GPC6: variants seen among roughly 807,000 people sequenced by gnomAD.
GPC6 encodes glypican 6.
GPC6 carries 14 observed loss-of-function variants against 55.2 expected under a neutral mutation model. That is an observed-to-expected ratio of 0.25 (90% CI 0.17 to 0.40). GPC6 has a LOEUF of 0.40. Among genes scored for constraint, GPC6 ranks in the 10% least tolerant of loss-of-function variants. GPC6 has a pLI of 1.00. For synonymous variants in GPC6, 278 were observed against 259.6 expected (o/e 1.07, Z -0.68); for missense variants, 641 against 708.5 (o/e 0.90, Z 1.08).
intron 2 of GPC6, among the ~76,000 whole-genome samples, chr13:93,744,050 G>A (rs911380243): frequency 3.3e-5 from 5 of 152,170 alleles, no homozygotes; most frequent in African/African-American, 1.2e-4. Flanking sequence ...TTAGAGTACA[G>A]ATTTATTCCC....
chr13:93,260,650 A>G (rs995451183), intron 1 of GPC6, among the ~76,000 whole-genome samples: 1 of 152,100 alleles, frequency 6.6e-6, no homozygotes, highest in Non-Finnish European at 1.5e-5. Context: ...GCATTATCCT[A>G]GATGGGAAAA....
intron 2 of GPC6, among the ~76,000 whole-genome samples, chr13:93,783,558 T>G (rs188991744): frequency 9.9e-4 from 144 of 145,798 alleles, no homozygotes; most frequent in Admixed American, 8.1e-3. Flanking sequence ...TCACTGTGGT[T>G]TTGAGATCTA....
chr13:93,958,486 G>A (rs1157774593), intron 3 of GPC6, among the ~76,000 whole-genome samples: 4 of 152,132 alleles, frequency 2.6e-5, no homozygotes, highest in Admixed American at 1.3e-4. Context: ...TGTTGGCCTT[G>A]TCAATCATCA....
chr13:94,076,179 A>G (rs147401515), intron 4 of GPC6, among the ~76,000 whole-genome samples: 129 of 151,522 alleles, frequency 8.5e-4, no homozygotes, highest in Middle Eastern at 3.4e-3. Flanking sequence ...TGAGGTGATA[A>G]TTTACTGTGC....
chr13:93,545,866 T>G (rs1223276709), intron 2 of GPC6, among the ~76,000 whole-genome samples: 1 of 152,234 alleles, frequency 6.6e-6, no homozygotes, highest in Admixed American at 6.5e-5. Flanking sequence ...TATTTTAGAC[T>G]TTGCCATTGC....
At chr13:93,447,891 T>C (rs914727752) in intron 1 of GPC6, among the ~76,000 whole-genome samples, 1 of 152,216 alleles carries the variant, frequency 6.6e-6, no homozygotes, top group Non-Finnish European at 1.5e-5. Context: ...TGAGCATTAA[T>C]GAACTAAACC....
At chr13:94,384,343 G>T (rs535723178) in intron 7 of GPC6, among the ~76,000 whole-genome samples, 83 of 152,166 alleles carry the variant, frequency 5.5e-4, no homozygotes, top group Non-Finnish European at 1.0e-3. Context: ...GTATTTTCCC[G>T]ATGACTGTAC....
chr13:93,750,061 T>C (rs1049437422), intron 2 of GPC6, among the ~76,000 whole-genome samples: 3 of 152,118 alleles, frequency 2.0e-5, no homozygotes, highest in African/African-American at 7.2e-5. Flanking sequence ...GCCTAATAAA[T>C]GACAAACAGA....
intron 1 of GPC6, among the ~76,000 whole-genome samples, chr13:93,248,907 C>G (rs1033561109): frequency 6.6e-6 from 1 of 152,192 alleles, no homozygotes; most frequent in Admixed American, 6.5e-5. Flanking sequence ...TCATAGCATT[C>G]GAGGCCTGTT....
chr13:93,538,451 A>C (rs1035044498), intron 1 of GPC6, among the ~76,000 whole-genome samples: 4 of 152,158 alleles, frequency 2.6e-5, no homozygotes, highest in African/African-American at 7.2e-5. Flanking sequence ...TAGAGAGATA[A>C]GTATGGAGAG....
chr13:93,260,990 G>A (rs1288831694), intron 1 of GPC6, among the ~76,000 whole-genome samples: 1 of 152,104 alleles, frequency 6.6e-6, no homozygotes, highest in African/African-American at 2.4e-5. Flanking sequence ...CTTAGGGTCA[G>A]ACACCTTTCC....
At chr13:93,408,325 C>T (rs1184934517) in intron 1 of GPC6, among the ~76,000 whole-genome samples, 1 of 152,122 alleles carries the variant, frequency 6.6e-6, no homozygotes, top group African/African-American at 2.4e-5. Flanking sequence ...AGAGGTGAGA[C>T]ATGATCTGGG....
At chr13:93,678,089 T>A (rs749456524) in intron 2 of GPC6, among the ~76,000 whole-genome samples, 2 of 152,198 alleles carry the variant, frequency 1.3e-5, no homozygotes, top group Non-Finnish European at 2.9e-5. Context: ...TGTTTATGTA[T>A]CTGTTCACTT....
chr13:93,315,087 A>G (rs9516219), intron 1 of GPC6, among the ~76,000 whole-genome samples: 71,904 of 151,712 alleles, frequency 0.47, 17,234 homozygotes, highest in African/African-American at 0.54. Flanking sequence ...ATGGATGAGA[A>G]GGAGGGAGGG....
intron 2 of GPC6, among the ~76,000 whole-genome samples, chr13:93,744,653 C>T (rs1241968689): frequency 6.9e-6 from 1 of 145,584 alleles, no homozygotes; most frequent in Non-Finnish European, 1.5e-5. Flanking sequence ...ATAAATATAT[C>T]TCTCGGCCAG....
intron 3 of GPC6, among the ~76,000 whole-genome samples, chr13:93,911,737 G>A (rs931370085): frequency 8.5e-5 from 13 of 152,230 alleles, no homozygotes; most frequent in Non-Finnish European, 1.8e-4. Flanking sequence ...TAAAATGGAA[G>A]TGATAATGTG....
intron 3 of GPC6, among the ~76,000 whole-genome samples, chr13:93,886,385 A>T (rs1875324576): frequency 6.6e-6 from 1 of 152,024 alleles, no homozygotes; most frequent in African/African-American, 2.4e-5. Context: ...CTTGGAGAAA[A>T]GATGCTGAGT....
At chr13:93,294,603 T>G (rs1376046709) in intron 1 of GPC6, among the ~76,000 whole-genome samples, 1 of 152,154 alleles carries the variant, frequency 6.6e-6, no homozygotes, top group Non-Finnish European at 1.5e-5. Flanking sequence ...CAAAGAGGCA[T>G]TGCCTGTCTC....
chr13:93,415,525 T>G (rs1460415794), intron 1 of GPC6, among the ~76,000 whole-genome samples: 1 of 152,122 alleles, frequency 6.6e-6, no homozygotes, highest in African/African-American at 2.4e-5. Flanking sequence ...TAAGACTATT[T>G]CTCTATGATT....
Sources: gnomAD v4.1 joint callset for allele counts (sites outside exome capture counted in the v4.1 genomes callset) on GRCh38, gnomAD v4.1.1 for gene constraint, MANE v1.5 for transcripts, NCBI Gene and HGNC (gene_info 2026-07-23, HGNC 2026-07-21) for gene names.